Variants in TPD52L1 observed in about 807,000 individuals in gnomAD.
TPD52L1 encodes TPD52 like 1.
Under a neutral mutation model 28.7 loss-of-function variants are expected in TPD52L1, and 18 were observed. The observed-to-expected ratio is 0.63, with a 90% CI of 0.43 to 0.93. The LOEUF (loss-of-function observed/expected upper bound fraction) is 0.93, where lower values mean the gene tolerates loss of function less well. TPD52L1 is among the 40% of genes least tolerant of loss of function. The pLI is 0.00. For missense variants in TPD52L1, 203 were observed against 254.8 expected, an observed-to-expected ratio of 0.80 and a Z score of 1.39; for synonymous variants, 75 against 88.8, an observed-to-expected ratio of 0.84 and a Z score of 0.88.
chr6:125,186,714 G>A (rs1049809451), intron 1 of TPD52L1, among the ~76,000 whole-genome samples: 1 of 152,152 alleles, frequency 6.6e-6, no homozygotes, highest in Non-Finnish European at 1.5e-5. Flanking sequence ...TGACACCATA[G>A]CTAAGCACTA....
At chr6:125,184,262 T>C (rs60356655) in intron 1 of TPD52L1, among the ~76,000 whole-genome samples, 7,398 of 152,212 alleles carry the variant, frequency 0.049, 417 homozygotes, top group East Asian at 0.33. Context: ...CACCAAGCAG[T>C]GGATCCTTTC....
At chr6:125,238,644 C>G (rs1322183322) in intron 3 of TPD52L1, among the ~76,000 whole-genome samples, 1 of 152,152 alleles carries the variant, frequency 6.6e-6, no homozygotes, top group Non-Finnish European at 1.5e-5. Context: ...GTCTCCAACT[C>G]CATCCAGATT....
chr6:125,172,547 T>TACACACACACACATAC (rs1582856218), intron 1 of TPD52L1, among the ~76,000 whole-genome samples: 1 of 99,470 alleles, frequency 1.0e-5, no homozygotes, highest in African/African-American at 4.4e-5. Flanking sequence ...TATATATATA[T>TACACACACACACATAC]ATATAATATA....
intron 1 of TPD52L1, among the ~76,000 whole-genome samples, chr6:125,168,681 C>G (rs1328971998): frequency 6.6e-6 from 1 of 152,110 alleles, no homozygotes; most frequent in Non-Finnish European, 1.5e-5. Context: ...CCACGCCCAG[C>G]TAATTTTTGT....
At chr6:125,211,210 A>T (rs1327521519) in intron 1 of TPD52L1, among the ~76,000 whole-genome samples, 1 of 152,194 alleles carries the variant, frequency 6.6e-6, no homozygotes, top group Admixed American at 6.5e-5. Flanking sequence ...AGTTGTTTGA[A>T]AAAAATCAAG....
At chr6:125,235,987 C>T (rs1796242745) in intron 3 of TPD52L1, among the ~76,000 whole-genome samples, 1 of 152,140 alleles carries the variant, frequency 6.6e-6, no homozygotes, top group African/African-American at 2.4e-5. Context: ...TCTCTCTGAA[C>T]ACTGGTACTG....
chr6:125,209,984 GC>G (rs1206048776), intron 1 of TPD52L1, among the ~76,000 whole-genome samples: 4 of 152,028 alleles, frequency 2.6e-5, no homozygotes, highest in African/African-American at 9.7e-5. Flanking sequence ...TCTCTCTTTT[GC>G]CTGAATTCTA....
chr6:125,227,843 A>T (rs1285586933), intron 2 of TPD52L1, among the ~76,000 whole-genome samples: 4 of 152,236 alleles, frequency 2.6e-5, no homozygotes, highest in Non-Finnish European at 4.4e-5. Flanking sequence ...CATTTGCAAG[A>T]GCAATTTTAT....
At chr6:125,174,181 T>G (rs1213950026) in intron 1 of TPD52L1, among the ~76,000 whole-genome samples, 1 of 152,166 alleles carries the variant, frequency 6.6e-6, no homozygotes, top group Non-Finnish European at 1.5e-5. Flanking sequence ...AAAGCGAGAT[T>G]CATTTATCAA....
At chr6:125,176,713 C>A (rs1791843646) in intron 1 of TPD52L1, among the ~76,000 whole-genome samples, 1 of 152,148 alleles carries the variant, frequency 6.6e-6, no homozygotes, top group East Asian at 1.9e-4. Context: ...CTGTTTAGGT[C>A]CTGTGTGAAT....
At chr6:125,156,432 C>T (rs1430328309) in intron 1 of TPD52L1, among the ~76,000 whole-genome samples, 1 of 141,104 alleles carries the variant, frequency 7.1e-6, no homozygotes. Context: ...CAGCATTGCA[C>T]TCTAGTCTGG....
intron 6 of TPD52L1, chr6:125,262,596 TAA>T (rs1190120573): frequency 1.8e-5 from 8 of 442,276 alleles, no homozygotes; most frequent in Non-Finnish European, 4.0e-6. Context: ...ACAGGAGAGA[TAA>T]AGAGAGGGTT....
At chr6:125,169,008 C>A (rs535591316) in intron 1 of TPD52L1, among the ~76,000 whole-genome samples, 1 of 152,234 alleles carries the variant, frequency 6.6e-6, no homozygotes, top group Non-Finnish European at 1.5e-5. Flanking sequence ...TTTGTGCCCT[C>A]CCCTTCCTCT....
intron 1 of TPD52L1, among the ~76,000 whole-genome samples, chr6:125,175,712 A>G (rs2114801563): frequency 6.6e-6 from 1 of 152,282 alleles, no homozygotes; most frequent in Admixed American, 6.5e-5. Context: ...AATGCTATAA[A>G]CCAACTCCTA....
chr6:125,242,955 A>G (rs1295502754), intron 3 of TPD52L1, among the ~76,000 whole-genome samples: 2 of 152,146 alleles, frequency 1.3e-5, no homozygotes, highest in African/African-American at 4.8e-5. Flanking sequence ...TTCAAGATTT[A>G]GAACTCCCTT....
chr6:125,251,955 A>G, intron 4 of TPD52L1: 1 of 1,513,128 alleles, frequency 6.6e-7, no homozygotes. Flanking sequence ...AGGGCAGTGC[A>G]GTGTTTCTCT....
At chr6:125,256,433 C>T (rs767503437) in intron 5 of TPD52L1, among the ~76,000 whole-genome samples, 4 of 152,132 alleles carry the variant, frequency 2.6e-5, no homozygotes, top group Non-Finnish European at 4.4e-5. Flanking sequence ...GGAAAAATAA[C>T]GCATGCTAAT....
Position 125,253,714 on chromosome 6 carries a change from A to C in TPD52L1, c.387-3A>C. The C allele has an allele frequency of 6.2e-7, 1 of 1,613,158 alleles. No individual in the cohort carries two copies. The highest frequency in any genetic ancestry group is 8.5e-7 in the Non-Finnish European group (1 of 1,179,658). Reference sequence around the variant, plus strand: ...TCCCCTTTAATCTGCTTTTGCTCTGAAGTTACTCCATTCGCCATTCCATAA... The same window carrying C: ...TCCCCTTTAATCTGCTTTTGCTCTGCAGTTACTCCATTCGCCATTCCATAA... On this transcript the variant is annotated splice_polypyrimidine_tract_variant and splice_region_variant and intron_variant, in intron 4 of 6. Coordinates refer to ENST00000534000, the MANE Select transcript of TPD52L1 (RefSeq NM_003287.4).
rs558820937 is a variant in TPD52L1, at chr6:125,214,139, G to A, written c.20-5939G>A. ...GCAGGGAGGGAGACAGGCAGGACTA[G>A]ACATTTGCTAACCACTCGCTTCTGC... On this transcript the variant is annotated intron_variant, in intron 1 of 6. Coordinates refer to ENST00000534000, the MANE Select transcript of TPD52L1 (RefSeq NM_003287.4). 2.8e-3 allele frequency among the ~76,000 whole-genome samples: 421 copies of A among 152,262 alleles called. 2 individuals carry two copies. Among genetic ancestry groups the A allele is most frequent in the Non-Finnish European group, 4.4e-3 (299 of 68,008 alleles).
Sources: allele counts gnomAD v4.1 joint callset (sites outside exome capture counted in the v4.1 genomes callset), GRCh38; gene constraint gnomAD v4.1.1; transcripts MANE v1.5; gene names NCBI Gene and HGNC (gene_info 2026-07-23, HGNC 2026-07-21).